EPHA6: variants seen among roughly 807,000 people sequenced by gnomAD.
EPHA6 encodes ephrin type-A receptor 6.
EPHA6 carries 50 observed loss-of-function variants against 112.0 expected under a neutral mutation model. The ratio of observed to expected loss-of-function variants is 0.45; its 90% CI spans 0.36 to 0.56. The LOEUF (loss-of-function observed/expected upper bound fraction) is 0.56. Ranked by LOEUF, EPHA6 falls within the 20% of genes least tolerant of loss-of-function variation. EPHA6 has a pLI of 0.00. For synonymous variants in EPHA6, 529 were observed against 490.7 expected, an observed-to-expected ratio of 1.08 and a Z score of -1.03; for missense variants, 1,280 against 1,417.4, an observed-to-expected ratio of 0.90 and a Z score of 1.56.
intron 3 of EPHA6, among the ~76,000 whole-genome samples, chr3:97,041,443 T>A (rs1393250515): frequency 6.6e-6 from 1 of 152,094 alleles, no homozygotes; most frequent in Non-Finnish European, 1.5e-5. Context: ...AATTGTGTCA[T>A]TTAGGAGAAT....
chr3:97,038,882 G>T (rs1203393621), intron 3 of EPHA6, among the ~76,000 whole-genome samples: 1 of 152,000 alleles, frequency 6.6e-6, no homozygotes. Flanking sequence ...CTTCCTGTGT[G>T]TTCAGAGTTT....
chr3:97,301,950 A>G (rs1013811880), intron 5 of EPHA6, among the ~76,000 whole-genome samples: 3 of 152,134 alleles, frequency 2.0e-5, no homozygotes, highest in Non-Finnish European at 2.9e-5. Context: ...CTTAGAATGT[A>G]TAATAAAGGC....
At chr3:97,226,163 CTGAGATCCAA>C in intron 3 of EPHA6, 91 bp from the exon 4 acceptor site, 6 of 921,716 alleles carry the variant, frequency 6.5e-6, no homozygotes, top group Non-Finnish European at 6.3e-6. Context: ...ACACTGTACT[CTGAGATCCAA>C]TGTGAATATA....
At chr3:97,559,805 A>G (rs2093163927) in intron 11 of EPHA6, 2 of 326,078 alleles carry the variant, frequency 6.1e-6, no homozygotes, top group South Asian at 5.1e-5. Flanking sequence ...TTAGTCAGCT[A>G]TCTCATTAAG....
In EPHA6 at chr3:97,733,062, C is replaced by G. The variant is rs530934438; in HGVS notation, c.2935-2863C>G. Among the ~76,000 whole-genome samples, 6 of 152,062 alleles carry G rather than the reference C, an allele frequency of 3.9e-5. No individual in the cohort carries two copies. The East Asian group carries it at 9.7e-4, about 25-fold the overall frequency. ...ATGCATTGTGGGTAAAATTTCCAGG[C>G]AAGGGAACCTACCCGCTCATCACTC... On this transcript the variant is annotated intron_variant, in intron 15 of 17. Transcript: ENST00000389672.
rs567648451 is a variant in EPHA6, at chr3:97,097,560, A to T, written c.1114+109567A>T. Among the ~76,000 whole-genome samples, 389 of 151,372 alleles carry T rather than the reference A, an allele frequency of 2.6e-3. 3 individuals carry two copies. Among genetic ancestry groups the T allele is most frequent in the African/African-American group, 9.1e-3 (377 of 41,372 alleles). On this transcript the variant is annotated intron_variant, in intron 3 of 17. Coordinates refer to ENST00000389672, the MANE Select transcript of EPHA6 (RefSeq NM_001080448.3). ...AAATCACATTGGTTCTTTTTTTTTT[A>T]AATGGAATAATCATATGACACTTTC...
chr3:97,406,606 T>C (rs1456672352), intron 6 of EPHA6, among the ~76,000 whole-genome samples: 1 of 152,170 alleles, frequency 6.6e-6, no homozygotes. Context: ...CTTCCTCTAT[T>C]CTACTGCTTC....
At chr3:96,991,084 G>T (rs2043198983) in intron 3 of EPHA6, among the ~76,000 whole-genome samples, 1 of 151,982 alleles carries the variant, frequency 6.6e-6, no homozygotes, top group African/African-American at 2.4e-5. Context: ...TGAACTCCTA[G>T]GTTCAAGCGA....
At chr3:97,235,464 C>A in intron 4 of EPHA6, among the ~76,000 whole-genome samples, 1 of 152,032 alleles carries the variant, frequency 6.6e-6, no homozygotes, top group East Asian at 1.9e-4. Context: ...CCTTTCAGTT[C>A]TACTTTTTAG....
chr3:96,895,558 C>G (rs1410963617), intron 2 of EPHA6, among the ~76,000 whole-genome samples: 1 of 152,202 alleles, frequency 6.6e-6, no homozygotes, highest in Non-Finnish European at 1.5e-5. Flanking sequence ...TCACTCACCA[C>G]GCAGTCACTG....
chr3:97,714,253 G>C (rs899953613), intron 14 of EPHA6, among the ~76,000 whole-genome samples: 40 of 152,340 alleles, frequency 2.6e-4, no homozygotes, highest in African/African-American at 9.6e-4. Flanking sequence ...TACACTGGGT[G>C]CTGGCTGCTA....
chr3:96,970,239 A>G (rs1241640070), intron 2 of EPHA6, among the ~76,000 whole-genome samples: 1 of 84,638 alleles, frequency 1.2e-5, no homozygotes, highest in Non-Finnish European at 2.1e-5. Context: ...GCCTCTTCAT[A>G]CACACACACA....
intron 3 of EPHA6, among the ~76,000 whole-genome samples, chr3:97,075,560 A>G (rs558523793): frequency 6.6e-6 from 1 of 152,168 alleles, no homozygotes; most frequent in African/African-American, 2.4e-5. Flanking sequence ...TATGAGAAAC[A>G]TAGTTTACAT....
intron 2 of EPHA6, among the ~76,000 whole-genome samples, chr3:96,894,776 T>G (rs1209091199): frequency 6.6e-6 from 1 of 151,936 alleles, no homozygotes; most frequent in Admixed American, 6.6e-5. Flanking sequence ...GAGAAATTGC[T>G]TAAGGATGAG....
chr3:97,519,733 C>T (rs1185146928), intron 10 of EPHA6, among the ~76,000 whole-genome samples: 6 of 151,720 alleles, frequency 4.0e-5, no homozygotes, highest in African/African-American at 1.2e-4. Flanking sequence ...TTATTTTATA[C>T]ATTTTAGCTT....
chr3:97,635,638 G>A (rs2093938691), intron 13 of EPHA6, among the ~76,000 whole-genome samples: 1 of 152,038 alleles, frequency 6.6e-6, no homozygotes, highest in Non-Finnish European at 1.5e-5. Context: ...TGCCCGGGGT[G>A]GTGGGAGGAG....
chr3:97,193,718 C>T (rs1318023486), intron 3 of EPHA6, among the ~76,000 whole-genome samples: 4 of 151,992 alleles, frequency 2.6e-5, no homozygotes, highest in African/African-American at 9.6e-5. Context: ...TGTTCCAGAT[C>T]TTAGAGGAGA....
chr3:97,007,915 A>G (rs964404553), intron 3 of EPHA6, among the ~76,000 whole-genome samples: 1 of 152,188 alleles, frequency 6.6e-6, no homozygotes, highest in African/African-American at 2.4e-5. Context: ...TTCTTTAAGA[A>G]TGTTGAATAT....
chr3:97,135,899 A>G (rs1431949560), intron 3 of EPHA6, among the ~76,000 whole-genome samples: 1 of 152,028 alleles, frequency 6.6e-6, no homozygotes, highest in Non-Finnish European at 1.5e-5. Flanking sequence ...TTAAAACCAC[A>G]GCAGCAAGCA....
Sources: allele counts gnomAD v4.1 joint callset (sites outside exome capture counted in the v4.1 genomes callset), GRCh38; gene constraint gnomAD v4.1.1; transcripts MANE v1.5; gene names NCBI Gene and HGNC (gene_info 2026-07-23, HGNC 2026-07-21).